CRTAC1: variants seen among roughly 807,000 people sequenced by gnomAD.
CRTAC1 encodes cartilage acidic protein 1.
CRTAC1 carries 37 observed loss-of-function variants against 67.8 expected under a neutral mutation model. The observed-to-expected ratio is 0.55, with a 90% CI of 0.42 to 0.72. The LOEUF (loss-of-function observed/expected upper bound fraction) is 0.72, where lower values mean the gene tolerates loss of function less well. CRTAC1 is among the 30% of genes least tolerant of loss of function. The pLI is 0.00. For synonymous variants in CRTAC1, 348 were observed against 371.0 expected, an observed-to-expected ratio of 0.94 and a Z score of 0.71; for missense variants, 780 against 931.6, an observed-to-expected ratio of 0.84 and a Z score of 2.12.
intron 2 of CRTAC1, among the ~76,000 whole-genome samples, chr10:97,984,141 T>C (rs932808144): frequency 6.6e-6 from 1 of 152,186 alleles, no homozygotes; most frequent in Non-Finnish European, 1.5e-5. Context: ...CCTACATGGC[T>C]ATGTCTGAGG....
At chr10:97,962,926 T>C (rs2051551935) in intron 2 of CRTAC1, among the ~76,000 whole-genome samples, 1 of 151,984 alleles carries the variant, frequency 6.6e-6, no homozygotes, top group African/African-American at 2.4e-5. Flanking sequence ...ACTTCTTCTC[T>C]GAACATCCAT....
At chr10:97,919,964 G>C (rs2050814641) in intron 4 of CRTAC1, among the ~76,000 whole-genome samples, 1 of 151,774 alleles carries the variant, frequency 6.6e-6, no homozygotes, top group African/African-American at 2.4e-5. Context: ...GCTGAGGCTG[G>C]TCTTGAACTC....
intron 2 of CRTAC1, among the ~76,000 whole-genome samples, chr10:98,001,785 C>T (rs1842693785): frequency 6.6e-6 from 1 of 152,126 alleles, no homozygotes; most frequent in Non-Finnish European, 1.5e-5. Context: ...GACACCCGCA[C>T]CTCAAAAATA....
intron 2 of CRTAC1, among the ~76,000 whole-genome samples, chr10:97,993,672 T>C (rs1029980826): frequency 1.3e-5 from 2 of 152,226 alleles, no homozygotes; most frequent in South Asian, 4.1e-4. Context: ...TTATTTTCAT[T>C]AATCCTCTTA....
intron 2 of CRTAC1, among the ~76,000 whole-genome samples, chr10:97,994,727 G>T (rs1188778115): frequency 3.3e-5 from 5 of 152,196 alleles, no homozygotes; most frequent in Non-Finnish European, 7.3e-5. Flanking sequence ...TTCAGATCAA[G>T]ATACTGATTA....
At chr10:97,961,442 G>T (rs1192740341) in intron 2 of CRTAC1, among the ~76,000 whole-genome samples, 1 of 152,130 alleles carries the variant, frequency 6.6e-6, no homozygotes, top group Non-Finnish European at 1.5e-5. Context: ...TTTTGTATAT[G>T]TTTAAAACTT....
At chr10:97,893,443 C>T (rs952213407) in intron 11 of CRTAC1, among the ~76,000 whole-genome samples, 1 of 152,160 alleles carries the variant, frequency 6.6e-6, no homozygotes, top group African/African-American at 2.4e-5. Context: ...TCAGTGAAGA[C>T]ACTCTGGGCT....
intron 11 of CRTAC1, among the ~76,000 whole-genome samples, chr10:97,888,006 T>G (rs986292603): frequency 1.3e-5 from 2 of 152,208 alleles, no homozygotes; most frequent in Non-Finnish European, 2.9e-5. Flanking sequence ...GCCTTAGAGA[T>G]GAGAAGGTGG....
At position 97,994,011 on chromosome 10, in the gene CRTAC1, CATGCCTGGCT is replaced by C. The variant is rs1289524418; in HGVS notation, c.224+17117_224+17126del. On this transcript the variant is annotated intron_variant, in intron 2 of 14. Transcript: ENST00000370597. ...AGCTGAGATTACAGGCATGCACCACCATGCCTGGCTAATTTTTGTATTTTTAGTAGACATG... is the reference window on the plus strand; with the variant it reads ...AGCTGAGATTACAGGCATGCACCACCAATTTTTGTATTTTTAGTAGACATG... Among the ~76,000 whole-genome samples the C allele has an allele frequency of 7.2e-5, 11 of 152,246 alleles. No homozygotes were observed. In the East Asian group the frequency reaches 2.1e-3, roughly 29 times the overall value.
chr10:97,909,415 G>A (rs890389347), intron 5 of CRTAC1, among the ~76,000 whole-genome samples: 6 of 152,138 alleles, frequency 3.9e-5, no homozygotes, highest in African/African-American at 9.7e-5. Context: ...GGCAATTTAC[G>A]TTACCCTTGA....
intron 14 of CRTAC1, 105 bp from the exon 15 acceptor site, chr10:97,865,819 G>C (rs1450948927): frequency 4.0e-6 from 5 of 1,264,122 alleles, no homozygotes; most frequent in Admixed American, 2.7e-5. Context: ...CCTGCTGCCC[G>C]GGGTGGGAGG....
chr10:97,998,806 TA>T (rs1311003447), intron 2 of CRTAC1, among the ~76,000 whole-genome samples: 4 of 152,206 alleles, frequency 2.6e-5, no homozygotes, highest in Non-Finnish European at 5.9e-5. Context: ...GGGCAAAGAC[TA>T]AAATACTATG....
At chr10:97,986,926 T>C (rs1426288894) in intron 2 of CRTAC1, among the ~76,000 whole-genome samples, 1 of 152,216 alleles carries the variant, frequency 6.6e-6, no homozygotes, top group Admixed American at 6.5e-5. Context: ...AATAAGATTA[T>C]GTGTAAAGGG....
At chr10:97,923,104 A>G (rs998281998) in intron 4 of CRTAC1, among the ~76,000 whole-genome samples, 160 bp downstream of exon 4, 3 of 152,182 alleles carry the variant, frequency 2.0e-5, no homozygotes, top group Non-Finnish European at 4.4e-5. Flanking sequence ...TGAAAGGTAC[A>G]TAGGAATGCA....
intron 2 of CRTAC1, among the ~76,000 whole-genome samples, chr10:97,997,422 C>T (rs1233921562): frequency 2.2e-5 from 3 of 136,088 alleles, no homozygotes; most frequent in African/African-American, 8.3e-5. Context: ...CACTGCACTC[C>T]AGCCTGGGCA....
chr10:97,960,278 G>T (rs1026932372), intron 2 of CRTAC1, among the ~76,000 whole-genome samples: 5 of 152,186 alleles, frequency 3.3e-5, no homozygotes, highest in African/African-American at 1.2e-4. Context: ...TTAATAGATG[G>T]TCAATAAATT....
At chr10:97,882,953 G>A (rs2050235442) in intron 12 of CRTAC1, 125 bp from the exon 13 acceptor site, 7 of 949,888 alleles carry the variant, frequency 7.4e-6, no homozygotes, top group Middle Eastern at 2.2e-4. Context: ...CTGAGCTCTG[G>A]GCCTGGGGGG....
intron 2 of CRTAC1, among the ~76,000 whole-genome samples, chr10:97,998,621 G>A (rs558797596): frequency 5.3e-5 from 8 of 152,216 alleles, no homozygotes; most frequent in South Asian, 4.2e-4. Context: ...TCAGGACAGG[G>A]CATTCAGCAA....
chr10:97,914,420 GCCAGCCATGTC>G (rs367776806), intron 5 of CRTAC1, among the ~76,000 whole-genome samples: 4 of 152,206 alleles, frequency 2.6e-5, no homozygotes, highest in African/African-American at 9.6e-5. Flanking sequence ...CAGGCCATGT[GCCAGCCATGTC>G]CCATGTGCGC....
Sources: allele counts gnomAD v4.1 joint callset (sites outside exome capture counted in the v4.1 genomes callset), GRCh38; gene constraint gnomAD v4.1.1; transcripts MANE v1.5; gene names NCBI Gene and HGNC (gene_info 2026-07-23, HGNC 2026-07-21).